Variants in GALNTL6 observed in about 807,000 individuals in gnomAD.
GALNTL6 encodes the protein polypeptide N-acetylgalactosaminyltransferase-like 6.
In GALNTL6, 46 loss-of-function variants were observed where a neutral mutation model predicts 73.7. The observed-to-expected ratio is 0.62, with a 90% CI of 0.49 to 0.80. The LOEUF (loss-of-function observed/expected upper bound fraction) is 0.80. Ranked by LOEUF, GALNTL6 falls within the 30% of genes least tolerant of loss-of-function variation. The pLI, the probability that GALNTL6 is intolerant of heterozygous loss-of-function variation, is 0.00. For missense variants in GALNTL6, 604 were observed against 755.0 expected (o/e 0.80, Z 2.34); for synonymous variants, 259 against 263.7 (o/e 0.98, Z 0.17).
At chr4:172,452,309 T>G (rs1324632446) in intron 5 of GALNTL6, among the ~76,000 whole-genome samples, 2 of 151,784 alleles carry the variant, frequency 1.3e-5, no homozygotes, top group Non-Finnish European at 2.9e-5. Context: ...TTTCACTATT[T>G]ATTTATATAT....
rs72704857 is a variant in GALNTL6 at position 172,586,801 on chromosome 4, C to A, written c.554-222560C>A. On this transcript the variant is annotated intron_variant, in intron 5 of 12. Coordinates refer to ENST00000506823, the MANE Select transcript of GALNTL6 (RefSeq NM_001034845.3). ...ATTCTAATAACAGACAGTACTTGAA[C>A]GTGAAAGCTAATTTGTCCTCCTATT... 5.9e-5 allele frequency among the ~76,000 whole-genome samples: 9 copies of A among 152,252 alleles called. No homozygotes were observed. In the South Asian group the frequency reaches 1.9e-3, roughly 32 times the overall value.
chr4:172,940,402 A>C (rs1386155639), intron 9 of GALNTL6, among the ~76,000 whole-genome samples: 1 of 151,822 alleles, frequency 6.6e-6, no homozygotes, highest in African/African-American at 2.4e-5. Flanking sequence ...CCACCCTGTC[A>C]CCCAGGCTGG....
intron 2 of GALNTL6, among the ~76,000 whole-genome samples, chr4:171,952,836 A>C (rs1357685915): frequency 6.7e-6 from 1 of 149,236 alleles, no homozygotes; most frequent in East Asian, 2.0e-4. Context: ...ATAGTGATTT[A>C]ATTAGCTTTA....
intron 5 of GALNTL6, among the ~76,000 whole-genome samples, chr4:172,740,427 C>T (rs1273653730): frequency 6.6e-6 from 1 of 152,136 alleles, no homozygotes; most frequent in East Asian, 1.9e-4. Context: ...AGTCTATCCT[C>T]ATTATTCACT....
chr4:173,021,028 G>A (rs1028327331), intron 11 of GALNTL6, among the ~76,000 whole-genome samples: 4 of 152,128 alleles, frequency 2.6e-5, no homozygotes, highest in East Asian at 1.9e-4. Flanking sequence ...AGCCGAGATC[G>A]CACCACTGCA....
At chr4:172,953,327 C>T (rs1579700994) in intron 10 of GALNTL6, among the ~76,000 whole-genome samples, 2 of 152,292 alleles carry the variant, frequency 1.3e-5, no homozygotes, top group Admixed American at 1.3e-4. Context: ...GTGGATTTAT[C>T]CTAGCAATTC....
At chr4:172,612,030 A>G (rs961662549) in intron 5 of GALNTL6, among the ~76,000 whole-genome samples, 9 of 152,094 alleles carry the variant, frequency 5.9e-5, no homozygotes, top group African/African-American at 2.2e-4. Context: ...CTCGTCATCT[A>G]TTTTTTGAAA....
At chr4:172,822,331 G>T (rs528274091) in intron 7 of GALNTL6, among the ~76,000 whole-genome samples, 1 of 152,070 alleles carries the variant, frequency 6.6e-6, no homozygotes, top group East Asian at 1.9e-4. Flanking sequence ...TGCGACTTCT[G>T]TAAGGGCCAT....
intron 3 of GALNTL6, among the ~76,000 whole-genome samples, chr4:172,277,670 G>T (rs1738886307): frequency 1.3e-5 from 2 of 152,090 alleles, no homozygotes; most frequent in Admixed American, 1.3e-4. Flanking sequence ...GTTAATGTTT[G>T]CTCTGTATGG....
At chr4:172,610,026 A>T (rs1018021268) in intron 5 of GALNTL6, among the ~76,000 whole-genome samples, 1 of 151,774 alleles carries the variant, frequency 6.6e-6, no homozygotes, top group Admixed American at 6.6e-5. Context: ...TATTTCTTTG[A>T]GGTCAGTGGT....
At chr4:172,172,518 G>A (rs1734863159) in intron 2 of GALNTL6, among the ~76,000 whole-genome samples, 1 of 151,870 alleles carries the variant, frequency 6.6e-6, no homozygotes, top group Admixed American at 6.6e-5. Context: ...TTTTAAAGAA[G>A]AGATTAGGAC....
chr4:172,126,862 C>T (rs563964842), intron 2 of GALNTL6, among the ~76,000 whole-genome samples: 23 of 152,188 alleles, frequency 1.5e-4, no homozygotes, highest in Non-Finnish European at 2.6e-4. Flanking sequence ...CATTCCCTAC[C>T]CACAGCCACC....
At chr4:172,783,327 C>T (rs1354119230) in intron 5 of GALNTL6, among the ~76,000 whole-genome samples, 3 of 148,536 alleles carry the variant, frequency 2.0e-5, no homozygotes, top group Non-Finnish European at 4.5e-5. Context: ...CAATCTCAAT[C>T]AAACCCCAAA....
chr4:172,097,078 G>A (rs925172571), intron 2 of GALNTL6, among the ~76,000 whole-genome samples: 2 of 152,138 alleles, frequency 1.3e-5, no homozygotes. Flanking sequence ...CTGAGTTTTC[G>A]AGAGCAGTGT....
chr4:172,906,617 G>T (rs1561026007), intron 8 of GALNTL6, among the ~76,000 whole-genome samples: 1 of 152,206 alleles, frequency 6.6e-6, no homozygotes, highest in African/African-American at 2.4e-5. Flanking sequence ...CTTCCAAGCT[G>T]GCTCTGGTTG....
chr4:172,204,614 T>C (rs1233270911), intron 2 of GALNTL6, among the ~76,000 whole-genome samples: 1 of 152,210 alleles, frequency 6.6e-6, no homozygotes, highest in African/African-American at 2.4e-5. Context: ...TTTTCAAAAG[T>C]GTCTTAGTTT....
chr4:171,839,499 C>T (rs949161133), intron 2 of GALNTL6, among the ~76,000 whole-genome samples: 1 of 151,972 alleles, frequency 6.6e-6, no homozygotes, highest in Non-Finnish European at 1.5e-5. Context: ...TTAGTTTCTA[C>T]ATGTGTGTTG....
chr4:172,292,301 A>C (rs1324748161), intron 3 of GALNTL6, among the ~76,000 whole-genome samples: 1 of 152,184 alleles, frequency 6.6e-6, no homozygotes, highest in Non-Finnish European at 1.5e-5. Flanking sequence ...GACATCTGCA[A>C]ACAAGTCTGT....
Position 171,914,780 on chromosome 4 carries a change from TAAA to T in GALNTL6, c.138+100073_138+100075del, listed in dbSNP as rs11447734. Among the ~76,000 whole-genome samples the T allele has an allele frequency of 1.6e-3, 228 of 144,862 alleles. 1 individual carries two copies. The highest frequency in any genetic ancestry group is 0.011 in the Admixed American group (152 of 14,424). On this transcript the variant is annotated intron_variant, in intron 2 of 12. Coordinates refer to ENST00000506823, the MANE Select transcript of GALNTL6 (RefSeq NM_001034845.3). ...ATTAACTTCCAGAAAGTAAAAATGA[TAAA>T]AAAAAAAAAACTATGAATAGTGATT...
Sources: gnomAD v4.1 joint callset for allele counts (sites outside exome capture counted in the v4.1 genomes callset) on GRCh38, gnomAD v4.1.1 for gene constraint, MANE v1.5 for transcripts, NCBI Gene and HGNC (gene_info 2026-07-23, HGNC 2026-07-21) for gene names.